Variants in RIMKLB observed in about 807,000 individuals in gnomAD.
RIMKLB encodes the protein ribosomal modification protein rimK like family member B.
RIMKLB carries 7 observed loss-of-function variants against 32.0 expected under a neutral mutation model. That is an observed-to-expected ratio of 0.22 (90% confidence interval 0.12 to 0.41). The LOEUF (loss-of-function observed/expected upper bound fraction) is 0.41. Among genes scored for constraint, RIMKLB ranks in the 10% least tolerant of loss-of-function variants. RIMKLB has a pLI of 1.00. For synonymous variants in RIMKLB, 172 were observed against 185.1 expected (o/e 0.93, Z 0.57); for missense variants, 289 against 498.7 (o/e 0.58, Z 4.00).
At chr12:8,670,215 C>T in the RIMKLB span, among the ~76,000 whole-genome samples, 1 of 152,016 alleles carries the variant, frequency 6.6e-6, no homozygotes, top group African/African-American at 2.4e-5. Context: ...ACCAATCATG[C>T]CTTCCCAAGA....
chr12:8,727,993 GT>G (rs1479315637), intron 2 of RIMKLB, among the ~76,000 whole-genome samples: 1 of 152,106 alleles, frequency 6.6e-6, no homozygotes, highest in East Asian at 1.9e-4. Context: ...AAAACCCACA[GT>G]TAGGGCCAAC....
intron 4 of RIMKLB, among the ~76,000 whole-genome samples, chr12:8,752,920 A>G (rs1334617046): frequency 1.3e-5 from 2 of 151,716 alleles, no homozygotes; most frequent in African/African-American, 2.4e-5. Flanking sequence ...TGTTTTTTCT[A>G]TTTTTAGTAG....
Position 8,775,595 on chromosome 12 carries a change from A to G in RIMKLB, c.*1811A>G. ...ACTACTAGAGAGACTTCGAGGCAAT[A>G]ATAAAAGATCAGTATTAACCAGCTA... On this transcript the variant is annotated 3_prime_UTR_variant, in exon 6 of 6. Transcript: ENST00000535829. The G allele has an allele frequency of 1.0e-6, 1 of 985,766 alleles. No homozygotes were observed. Among genetic ancestry groups the G allele is most frequent in the Non-Finnish European group, 1.2e-6 (1 of 829,812 alleles). The allele number at this position is 985,766 out of a possible 1,614,324, so 61.1% of individuals were successfully genotyped here. A position where few individuals can be genotyped will look rare whatever the true frequency, so the allele number is the denominator to read the frequency against.
rs749417405 is a variant in RIMKLB at position 8,698,303 on chromosome 12, C to G, written c.-57+6C>G. The G allele has an allele frequency of 3.0e-6, 1 of 332,680 alleles. No homozygotes were observed. The highest frequency in any genetic ancestry group is 2.3e-5 in the African/African-American group (1 of 44,200). 20.6% of individuals were successfully genotyped at this position (332,680 alleles called of 1,614,324 possible). Reference sequence around the variant, plus strand: ...GGAGGAGCCCCCCGACCCAGGTGAGCGGTACGACCGCTGTTGCCCTCGGGT... The same window carrying G: ...GGAGGAGCCCCCCGACCCAGGTGAGGGGTACGACCGCTGTTGCCCTCGGGT... On this transcript the variant is annotated splice_donor_region_variant and intron_variant, in intron 1 of 5. Coordinates refer to ENST00000535829, the MANE Select transcript of RIMKLB (RefSeq NM_001297776.2).
intron 2 of RIMKLB, among the ~76,000 whole-genome samples, chr12:8,736,759 T>G (rs763418728): frequency 2.0e-5 from 3 of 151,866 alleles, no homozygotes; most frequent in African/African-American, 7.3e-5. Flanking sequence ...GTGCTGAGAT[T>G]ATAGATGTGA....
intron 1 of RIMKLB, among the ~76,000 whole-genome samples, chr12:8,692,059 C>T (rs1411168658): frequency 6.6e-6 from 1 of 151,884 alleles, no homozygotes; most frequent in Non-Finnish European, 1.5e-5. Flanking sequence ...GAGAACACAT[C>T]TAATGTGCCT....
At chr12:8,725,601 G>T (rs74059986) in intron 2 of RIMKLB, among the ~76,000 whole-genome samples, 1 of 152,308 alleles carries the variant, frequency 6.6e-6, no homozygotes, top group African/African-American at 2.4e-5. Context: ...AGGCACACCA[G>T]CCCTGGCAGA....
At chr12:8,724,990 C>T (rs1055237285) in intron 2 of RIMKLB, among the ~76,000 whole-genome samples, 2 of 152,164 alleles carry the variant, frequency 1.3e-5, no homozygotes, top group African/African-American at 2.4e-5. Context: ...ATGCTACACC[C>T]AGGTACTATA....
upstream of RIMKLB, among the ~76,000 whole-genome samples, chr12:8,696,803 A>C (rs141370249): frequency 1.5e-3 from 228 of 152,304 alleles, no homozygotes; most frequent in Middle Eastern, 6.8e-3. Flanking sequence ...CTGGGAGAGG[A>C]GCAGTGAAAA....
rs1950752165 is a variant in RIMKLB, at chr12:8,776,768, A to G, written c.*2984A>G. On this transcript the variant is annotated 3_prime_UTR_variant, in exon 6 of 6. Transcript: ENST00000535829. ...CTTCCTGTATATGTTACCAATAAGA[A>G]AACTACCCTGGAACAGTAGAAAAAC... 1 of 985,386 alleles carries G rather than the reference A, an allele frequency of 1.0e-6. No individual in the cohort carries two copies. Among genetic ancestry groups the G allele is most frequent in the Non-Finnish European group, 1.2e-6 (1 of 829,906 alleles). 61.0% of individuals were successfully genotyped at this position (985,386 alleles called of 1,614,324 possible).
chr12:8,745,789 G>C (rs1948031028), intron 2 of RIMKLB, among the ~76,000 whole-genome samples: 1 of 150,400 alleles, frequency 6.6e-6, no homozygotes, highest in Non-Finnish European at 1.5e-5. Flanking sequence ...CTGCCTCGTA[G>C]GTACAAGTGA....
At chr12:8,730,847 C>T (rs1946473172) in intron 2 of RIMKLB, among the ~76,000 whole-genome samples, 1 of 151,710 alleles carries the variant, frequency 6.6e-6, no homozygotes, top group Admixed American at 6.6e-5. Context: ...TCCAGAGATT[C>T]TCCTGTCTCA....
intron 1 of RIMKLB, among the ~76,000 whole-genome samples, chr12:8,713,312 T>C (rs751905673): frequency 5.9e-5 from 9 of 151,932 alleles, no homozygotes; most frequent in African/African-American, 1.7e-4. Context: ...ATTTTTTTTT[T>C]CTACATACCT....
chr12:8,776,653 C>G lies in RIMKLB; in HGVS notation c.*2869C>G, dbSNP rs1363334826. 1 of 948,472 alleles carries G rather than the reference C, an allele frequency of 1.1e-6. No homozygotes were observed. The highest frequency in any genetic ancestry group is 1.8e-5 in the African/African-American group (1 of 56,336). The allele number at this position is 948,472 out of a possible 1,614,324, so 58.8% of individuals were successfully genotyped here. Reference sequence around the variant, plus strand: ...TCTAAACATACAAGTATGAACTATTCTATTTAAAATTTTTAATAGTTTTTT... The same window carrying G: ...TCTAAACATACAAGTATGAACTATTGTATTTAAAATTTTTAATAGTTTTTT... On this transcript the variant is annotated 3_prime_UTR_variant, in exon 6 of 6. Coordinates refer to ENST00000535829, the MANE Select transcript of RIMKLB (RefSeq NM_001297776.2).
the RIMKLB span, among the ~76,000 whole-genome samples, chr12:8,669,787 G>A: frequency 6.6e-6 from 1 of 152,016 alleles, no homozygotes; most frequent in Non-Finnish European, 1.5e-5. Context: ...CAGCACTTTG[G>A]GAGGCCGAGG....
At chr12:8,716,448 T>G (rs1451865783) in intron 2 of RIMKLB, among the ~76,000 whole-genome samples, 1 of 150,222 alleles carries the variant, frequency 6.7e-6, no homozygotes, top group Non-Finnish European at 1.5e-5. Context: ...TTTTTTTTTT[T>G]TTTTTTAATT....
At chr12:8,741,430 G>GA (rs1365683301) in intron 2 of RIMKLB, among the ~76,000 whole-genome samples, 1 of 151,060 alleles carries the variant, frequency 6.6e-6, no homozygotes, top group Non-Finnish European at 1.5e-5. Flanking sequence ...TTGATGGAAG[G>GA]AAAAAATAAA....
At chr12:8,682,208 G>T (rs1022918137) in intron 1 of RIMKLB, among the ~76,000 whole-genome samples, 1 of 151,768 alleles carries the variant, frequency 6.6e-6, no homozygotes, top group African/African-American at 2.4e-5. Flanking sequence ...GTGGAGGGAA[G>T]AACATGTAGT....
At chr12:8,745,418 G>A (rs1947988339) in intron 2 of RIMKLB, among the ~76,000 whole-genome samples, 2 of 151,030 alleles carry the variant, frequency 1.3e-5, no homozygotes, top group South Asian at 4.2e-4. Context: ...TTTTGAGATG[G>A]TGTTTCACTC....
Sources: gnomAD v4.1 joint callset for allele counts (sites outside exome capture counted in the v4.1 genomes callset) on GRCh38, gnomAD v4.1.1 for gene constraint, MANE v1.5 for transcripts, NCBI Gene and HGNC (gene_info 2026-07-23, HGNC 2026-07-21) for gene names.